SYT1: variants seen among roughly 807,000 people sequenced by gnomAD.
The protein encoded by SYT1 is synaptotagmin-1.
A neutral mutation model predicts 44.8 loss-of-function variants in SYT1; 8 were observed. That is an observed-to-expected ratio of 0.18 (90% confidence interval 0.10 to 0.32). The LOEUF (loss-of-function observed/expected upper bound fraction) is 0.32. SYT1 is among the 10% of genes least tolerant of loss of function. The pLI, the probability that SYT1 is intolerant of heterozygous loss-of-function variation, is 1.00. For synonymous variants in SYT1, 154 were observed against 188.8 expected (o/e 0.82, Z 1.51); for missense variants, 286 against 509.3 (o/e 0.56, Z 4.22).
chr12:79,354,545 T>C (rs1257534210), intron 9 of SYT1, among the ~76,000 whole-genome samples: 1 of 152,174 alleles, frequency 6.6e-6, no homozygotes, highest in Non-Finnish European at 1.5e-5. Flanking sequence ...CAGCTGAGCT[T>C]CCCCTCACTT....
intron 3 of SYT1, among the ~76,000 whole-genome samples, chr12:79,051,087 T>C (rs1356034520): frequency 6.6e-6 from 1 of 151,920 alleles, no homozygotes; most frequent in East Asian, 1.9e-4. Flanking sequence ...CATTTTTTTC[T>C]ATCTGCCATA....
chr12:79,257,444 C>T (rs144359173), intron 4 of SYT1, among the ~76,000 whole-genome samples: 2 of 152,308 alleles, frequency 1.3e-5, no homozygotes, highest in East Asian at 3.9e-4. Flanking sequence ...TAACAGCATC[C>T]CATTGTAACA....
At chr12:79,308,633 AAAGAAAGAAAGAAAGAAAG>A in intron 8 of SYT1, among the ~76,000 whole-genome samples, 1 of 146,808 alleles carries the variant, frequency 6.8e-6, no homozygotes. Context: ...AGAAAGAAAG[AAAGAAAGAAAGAAAGAAAG>A]AAAGAAAAGA....
rs369507303 is a variant in SYT1 at position 79,007,549 on chromosome 12, A to G, written c.-84+29618A>G. Among the ~76,000 whole-genome samples, 16 of 152,250 alleles carry G rather than the reference A, an allele frequency of 1.1e-4. No individual in the cohort carries two copies. In the East Asian group the frequency reaches 2.9e-3, roughly 28 times the overall value. On this transcript the variant is annotated intron_variant, in intron 2 of 10. Coordinates refer to ENST00000261205, the MANE Select transcript of SYT1 (RefSeq NM_005639.3). ...AGTACTGCAGGAACTTGATGCCCTT[A>G]AGGACCTCTATGTCAAATATCTAGA...
intron 3 of SYT1, among the ~76,000 whole-genome samples, chr12:79,179,111 TATAGATATAGATATAGATATATAG>T (rs1201090496): frequency 7.0e-5 from 9 of 128,822 alleles, no homozygotes; most frequent in African/African-American, 2.7e-4. Flanking sequence ...GATATATAGA[TATAGATATAGATATAGATATATAG>T]ATATAGATAT....
intron 3 of SYT1, among the ~76,000 whole-genome samples, chr12:79,084,818 T>A (rs1381025819): frequency 1.3e-5 from 2 of 152,140 alleles, no homozygotes; most frequent in Non-Finnish European, 1.5e-5. Flanking sequence ...TTGATATAGA[T>A]AAAGTAGTTA....
chr12:79,263,435 T>G (rs936314052), intron 4 of SYT1, among the ~76,000 whole-genome samples: 1 of 152,196 alleles, frequency 6.6e-6, no homozygotes, highest in African/African-American at 2.4e-5. Context: ...TTCTTTCATT[T>G]AAAAGTATTA....
chr12:78,876,891 T>TACATATA (rs1214655186), intron 1 of SYT1, among the ~76,000 whole-genome samples: 24 of 15,694 alleles, frequency 1.5e-3, no homozygotes, highest in African/African-American at 1.9e-3. Flanking sequence ...TTATATATAA[T>TACATATA]ATATATTATA....
At chr12:78,936,027 C>T in intron 1 of SYT1, among the ~76,000 whole-genome samples, 1 of 151,956 alleles carries the variant, frequency 6.6e-6, no homozygotes, top group East Asian at 1.9e-4. Flanking sequence ...ATAGCCAAGG[C>T]AAGCCTTTGG....
At chr12:79,110,670 CA>C (rs1001063702) in intron 3 of SYT1, among the ~76,000 whole-genome samples, 35 of 152,184 alleles carry the variant, frequency 2.3e-4, no homozygotes, top group African/African-American at 7.7e-4. Context: ...TGAACCAATA[CA>C]TTTTTTAAAA....
intron 1 of SYT1, among the ~76,000 whole-genome samples, chr12:78,941,383 T>C: frequency 6.9e-6 from 1 of 145,802 alleles, no homozygotes; most frequent in South Asian, 2.3e-4. Context: ...AGAACATTTC[T>C]TAATAGAATC....
chr12:79,449,042 C>G lies in SYT1; in HGVS notation c.1187C>G (p.Ala396Gly). The change falls in exon 11 of 11, where the codon GCC becomes GGC. Residue 396 changes from alanine (A) to glycine (G), a missense_variant. By Grantham distance (60) the Ala-to-Gly change is moderately conservative (BLOSUM62 0). Around this residue, in one of 6 missense-constraint regions of SYT1, gnomAD observed 34 missense variants for 59.0 expected, o/e 0.58. Coordinates refer to ENST00000261205, the MANE Select transcript of SYT1 (RefSeq NM_005639.3). Reference protein sequence around the residue: ...AELRHWSDMLANPRRPIAQWH... With the variant: ...AELRHWSDMLGNPRRPIAQWH... ...CTGCGACACTGGTCAGACATGCTGG[C>G]CAACCCCAGGCGACCTATTGCCCAG... 1 of 1,614,192 alleles carries G rather than the reference C, an allele frequency of 6.2e-7. No homozygotes were observed. The highest frequency in any genetic ancestry group is 8.5e-7 in the Non-Finnish European group (1 of 1,180,016).
At chr12:78,889,309 G>A (rs758086838) in intron 1 of SYT1, among the ~76,000 whole-genome samples, 5 of 151,794 alleles carry the variant, frequency 3.3e-5, no homozygotes, top group South Asian at 2.1e-4. Flanking sequence ...CTCCAATCAC[G>A]TTACCAAAGG....
chr12:79,389,516 T>C (rs1481230754), intron 9 of SYT1, among the ~76,000 whole-genome samples: 1 of 152,220 alleles, frequency 6.6e-6, no homozygotes, highest in Non-Finnish European at 1.5e-5. Flanking sequence ...TAACCCTATA[T>C]GGTAGGTACT....
In SYT1 at chr12:79,450,268, A is replaced by AAAAG. The variant is rs1187955607; in HGVS notation, c.*1146_*1149dup. ...AAACAGACAGTATTGTAATCCCATC[A>AAAAG]AAAGATGAAAGAAAAACAAAAACAA... On this transcript the variant is annotated 3_prime_UTR_variant, in exon 11 of 11. Transcript: ENST00000261205. 1 of 152,636 alleles carries AAAAG rather than the reference A, an allele frequency of 6.6e-6. No homozygotes were observed. The highest frequency in any genetic ancestry group is 1.5e-5 in the Non-Finnish European group (1 of 68,040). 9.5% of individuals were successfully genotyped at this position (152,636 alleles called of 1,614,324 possible). A position where few individuals can be genotyped will look rare whatever the true frequency, so the allele number is the denominator to read the frequency against.
chr12:79,122,160 T>C (rs969139345), intron 3 of SYT1, among the ~76,000 whole-genome samples: 1 of 152,216 alleles, frequency 6.6e-6, no homozygotes, highest in African/African-American at 2.4e-5. Flanking sequence ...ATCACTCGTA[T>C]AATTAGAAAT....
In SYT1 at chr12:79,066,875, G is replaced by C. The variant is rs576377007; in HGVS notation, c.-18+19513G>C. 2.6e-5 allele frequency among the ~76,000 whole-genome samples: 4 copies of C among 152,170 alleles called. No homozygotes were observed. In the South Asian group the frequency reaches 8.3e-4, roughly 32 times the overall value. On this transcript the variant is annotated intron_variant, in intron 3 of 10. Transcript: ENST00000261205. ...CATTTTCCAACTTGATCTCCATTTA[G>C]TGTCCTAACATGTATTAATATGGGC...
At chr12:79,173,006 A>AAAAAG (rs1871633460) in intron 3 of SYT1, among the ~76,000 whole-genome samples, 2 of 137,358 alleles carry the variant, frequency 1.5e-5, no homozygotes, top group Non-Finnish European at 3.0e-5. Flanking sequence ...AAAAAAAAAA[A>AAAAAG]GGGAGTTTGG....
chr12:79,269,903 G>C (rs1878331850), intron 4 of SYT1, among the ~76,000 whole-genome samples: 1 of 152,084 alleles, frequency 6.6e-6, no homozygotes, highest in Admixed American at 6.6e-5. Flanking sequence ...TTCTTCATTT[G>C]GACCTCTGAT....
Sources: allele counts gnomAD v4.1 joint callset (sites outside exome capture counted in the v4.1 genomes callset), GRCh38; gene constraint gnomAD v4.1.1; regional missense constraint gnomAD v4.1.1; transcripts MANE v1.5; gene names NCBI Gene and HGNC (gene_info 2026-07-23, HGNC 2026-07-21).